HS6ST1: variants seen among roughly 807,000 people sequenced by gnomAD.
The protein encoded by HS6ST1 is heparan-sulfate 6-O-sulfotransferase 1.
In HS6ST1, 3 loss-of-function variants were observed where a neutral mutation model predicts 25.2. The observed-to-expected ratio is 0.12, with a 90% CI of 0.05 to 0.31. HS6ST1 has a LOEUF of 0.31. Ranked by LOEUF, HS6ST1 falls within the 10% of genes least tolerant of loss-of-function variation. The pLI, the probability that HS6ST1 is intolerant of heterozygous loss-of-function variation, is 1.00. For synonymous variants in HS6ST1, 204 were observed against 275.1 expected (o/e 0.74, Z 2.56); for missense variants, 310 against 609.6 (o/e 0.51, Z 5.18).
At chr2:128,288,749 G>A (rs56331332) in intron 1 of HS6ST1, among the ~76,000 whole-genome samples, 29,915 of 151,890 alleles carry the variant, frequency 0.2, 4,213 homozygotes, top group East Asian at 0.76. Flanking sequence ...AGGGAGGCCT[G>A]GGAGGCTCAG....
At chr2:128,281,438 T>C (rs1048664565) in intron 1 of HS6ST1, among the ~76,000 whole-genome samples, 2 of 152,214 alleles carry the variant, frequency 1.3e-5, no homozygotes, top group Admixed American at 1.3e-4. Flanking sequence ...CAGCCAGGTG[T>C]GGCTGTGTGA....
rs764399759 is a variant in HS6ST1, at chr2:128,268,148, G to A, written c.*14C>T. ...CACACCCCCCAAGAGGCCTCCCCGTGGCCACCACCGCCACTACCACTTCTC... is the reference window on the plus strand; with the variant it reads ...CACACCCCCCAAGAGGCCTCCCCGTAGCCACCACCGCCACTACCACTTCTC... On this transcript the variant is annotated 3_prime_UTR_variant, in exon 2 of 2. Coordinates refer to ENST00000259241, the MANE Select transcript of HS6ST1 (RefSeq NM_004807.3). 27 of 1,582,160 alleles carry A rather than the reference G, an allele frequency of 1.7e-5. No individual in the cohort carries two copies. In the East Asian group the frequency reaches 5.9e-4, roughly 35 times the overall value.
intron 1 of HS6ST1, among the ~76,000 whole-genome samples, chr2:128,306,582 A>G (rs1366810153): frequency 6.6e-6 from 1 of 152,206 alleles, no homozygotes; most frequent in East Asian, 1.9e-4. Flanking sequence ...TTGTTCCTGC[A>G]AGCCCTGCAG....
intron 1 of HS6ST1, among the ~76,000 whole-genome samples, chr2:128,293,318 G>A (rs1693988992): frequency 6.6e-6 from 1 of 152,244 alleles, no homozygotes; most frequent in South Asian, 2.1e-4. Flanking sequence ...CTGGGCCTGG[G>A]CAGAGCAAGG....
At chr2:128,286,167 G>A (rs1693857284) in intron 1 of HS6ST1, among the ~76,000 whole-genome samples, 1 of 152,238 alleles carries the variant, frequency 6.6e-6, no homozygotes, top group African/African-American at 2.4e-5. Flanking sequence ...ACTGGCGTGG[G>A]GGACCCCAGC....
intron 1 of HS6ST1, among the ~76,000 whole-genome samples, chr2:128,294,669 G>GGTGT (rs1465822301): frequency 1.6e-5 from 2 of 127,014 alleles, no homozygotes; most frequent in Non-Finnish European, 3.3e-5. Context: ...AAAGAAGGGA[G>GGTGT]GCGTGTGTGT....
chr2:128,283,684 A>G (rs1324900850), intron 1 of HS6ST1, among the ~76,000 whole-genome samples: 1 of 151,820 alleles, frequency 6.6e-6, no homozygotes, highest in African/African-American at 2.4e-5. Context: ...TCCCTCCCCC[A>G]TTATAGGGAT....
intron 1 of HS6ST1, among the ~76,000 whole-genome samples, chr2:128,300,456 G>T (rs529906564): frequency 6.6e-6 from 1 of 152,222 alleles, no homozygotes; most frequent in Non-Finnish European, 1.5e-5. Flanking sequence ...CGTCAAGGGG[G>T]CCGTGTGTTC....
intron 1 of HS6ST1, among the ~76,000 whole-genome samples, chr2:128,317,287 G>C (rs1206612022): frequency 1.3e-5 from 2 of 152,256 alleles, no homozygotes; most frequent in South Asian, 4.1e-4. Flanking sequence ...GGGTGTGGCA[G>C]CACAGGTTCC....
chr2:128,293,783 G>C (rs914695892), intron 1 of HS6ST1, among the ~76,000 whole-genome samples: 2 of 152,192 alleles, frequency 1.3e-5, no homozygotes, highest in African/African-American at 4.8e-5. Flanking sequence ...TGGGGGATGA[G>C]GAAGGTTGGA....
Position 128,265,858 on chromosome 2 carries a change from TAGG to T in HS6ST1, c.*2301_*2303del, listed in dbSNP as rs1308661610. The T allele has an allele frequency of 6.6e-6, 1 of 152,064 alleles. No homozygotes were observed. Among genetic ancestry groups the T allele is most frequent in the Non-Finnish European group, 1.5e-5 (1 of 68,020 alleles). The allele number at this position is 152,064 out of a possible 1,614,324, so 9.4% of individuals were successfully genotyped here. On this transcript the variant is annotated 3_prime_UTR_variant, in exon 2 of 2. Transcript: ENST00000259241. ...CCCGGTGGACAGAGTCCTTACAATT[TAGG>T]AGATGCTGCTGGCAAAGGAACTGTT...
intron 1 of HS6ST1, 118 bp downstream of exon 1, chr2:128,317,919 G>C: frequency 8.1e-7 from 1 of 1,230,064 alleles, no homozygotes; most frequent in Non-Finnish European, 1.0e-6. Flanking sequence ...GCGAGTGGGG[G>C]CCCCCAAGAG....
At chr2:128,314,337 C>T (rs75679774) in intron 1 of HS6ST1, among the ~76,000 whole-genome samples, 4,883 of 152,194 alleles carry the variant, frequency 0.032, 270 homozygotes, top group African/African-American at 0.11. Flanking sequence ...AGGGCAGGGA[C>T]AGAGCCCAGA....
chr2:128,301,725 T>TC (rs1447877609), intron 1 of HS6ST1, among the ~76,000 whole-genome samples: 1 of 152,126 alleles, frequency 6.6e-6, no homozygotes, highest in Non-Finnish European at 1.5e-5. Flanking sequence ...CTGGGAGTTC[T>TC]CCAGCCTCTC....
chr2:128,282,957 G>A (rs1422489295), intron 1 of HS6ST1, among the ~76,000 whole-genome samples: 2 of 152,212 alleles, frequency 1.3e-5, no homozygotes, highest in African/African-American at 4.8e-5. Flanking sequence ...ACACCCTGGG[G>A]AGGGGCTCAC....
chr2:128,311,109 G>A (rs1694284176), intron 1 of HS6ST1, among the ~76,000 whole-genome samples: 1 of 152,074 alleles, frequency 6.6e-6, no homozygotes, highest in Admixed American at 6.6e-5. Context: ...CATTTGGCTG[G>A]AGCAACCTCA....
chr2:128,286,466 C>T (rs1309680036), intron 1 of HS6ST1, among the ~76,000 whole-genome samples: 2 of 152,198 alleles, frequency 1.3e-5, no homozygotes, highest in Non-Finnish European at 2.9e-5. Context: ...GGAATGAATT[C>T]CAGACAAACC....
chr2:128,286,255 C>T (rs1356730027), intron 1 of HS6ST1, among the ~76,000 whole-genome samples: 2 of 152,246 alleles, frequency 1.3e-5, no homozygotes, highest in African/African-American at 2.4e-5. Flanking sequence ...CCTATTCCTC[C>T]CTCCCAGGGG....
intron 1 of HS6ST1, among the ~76,000 whole-genome samples, chr2:128,300,932 T>C (rs949993930): frequency 2.0e-5 from 3 of 152,222 alleles, no homozygotes; most frequent in African/African-American, 7.2e-5. Flanking sequence ...GTGGGTGCAA[T>C]GGCACATGCC....
Sources: gnomAD v4.1 joint callset for allele counts (sites outside exome capture counted in the v4.1 genomes callset) on GRCh38, gnomAD v4.1.1 for gene constraint, MANE v1.5 for transcripts, NCBI Gene and HGNC (gene_info 2026-07-23, HGNC 2026-07-21) for gene names.